RIMS2: variants seen among roughly 807,000 people sequenced by gnomAD.
RIMS2 encodes the protein regulating synaptic membrane exocytosis 2.
RIMS2 carries 59 observed loss-of-function variants against 174.4 expected under a neutral mutation model. The ratio of observed to expected loss-of-function variants is 0.34; its 90% CI spans 0.27 to 0.42. RIMS2 has a LOEUF of 0.42. RIMS2 is among the 10% of genes least tolerant of loss of function. The probability of loss-of-function intolerance (pLI) is 1.00; values close to 1 mark genes in which losing one functional copy is unlikely to be tolerated. For synonymous variants in RIMS2, 606 were observed against 572.5 expected (o/e 1.06, Z -0.84); for missense variants, 1,620 against 1,666.3 (o/e 0.97, Z 0.48).
intron 3 of RIMS2, among the ~76,000 whole-genome samples, chr8:103,796,252 T>A (rs555836243): frequency 9.8e-5 from 15 of 152,324 alleles, no homozygotes; most frequent in Non-Finnish European, 2.1e-4. Context: ...TTTCTCATTT[T>A]GGACTTAAAG....
intron 19 of RIMS2, chr8:104,223,241 GA>G: frequency 2.9e-6 from 1 of 350,802 alleles, no homozygotes; most frequent in Non-Finnish European, 4.1e-6. Flanking sequence ...CCAGCCCACC[GA>G]GGTGCAGCCG....
chr8:104,241,131 C>CAG, intron 19 of RIMS2, among the ~76,000 whole-genome samples: 1 of 152,146 alleles, frequency 6.6e-6, no homozygotes, highest in Non-Finnish European at 1.5e-5. Flanking sequence ...TCTAATAGGG[C>CAG]CTTCCATATG....
In RIMS2 at chr8:104,053,877, CTG is replaced by C. The variant is rs536603049; in HGVS notation, c.3334+39265_3334+39266del. On this transcript the variant is annotated intron_variant, in intron 19 of 23. Transcript: ENST00000504942. ...GAAGGCCAAACCAAGAATGGGGACA[CTG>C]TGCAGAGAATATTATGAGAGACCAA... 1.9e-4 allele frequency among the ~76,000 whole-genome samples: 29 copies of C among 152,118 alleles called. No individual in the cohort carries two copies. The South Asian group carries it at 6.0e-3, about 32-fold the overall frequency.
intron 2 of RIMS2, among the ~76,000 whole-genome samples, chr8:103,743,734 C>G (rs1323472151): frequency 6.6e-6 from 1 of 152,082 alleles, no homozygotes; most frequent in Non-Finnish European, 1.5e-5. Context: ...TAAGTATAAT[C>G]TTTGACACAG....
intron 1 of RIMS2, among the ~76,000 whole-genome samples, chr8:103,567,463 G>T (rs2092453843): frequency 6.6e-6 from 1 of 152,122 alleles, no homozygotes; most frequent in South Asian, 2.1e-4. Context: ...TTAGAATACT[G>T]TTTTCAAGGT....
At chr8:103,868,823 C>G (rs925857006) in intron 3 of RIMS2, among the ~76,000 whole-genome samples, 11 of 151,984 alleles carry the variant, frequency 7.2e-5, no homozygotes, top group Middle Eastern at 3.2e-3. Flanking sequence ...AAGTGACGAT[C>G]TATAAATAGC....
intron 2 of RIMS2, among the ~76,000 whole-genome samples, chr8:103,705,949 C>T (rs9656788): frequency 0.18 from 26,827 of 151,306 alleles, 2,576 homozygotes; most frequent in African/African-American, 0.24. Context: ...TTTTAAAATT[C>T]GTTTTCTAGT....
intron 1 of RIMS2, among the ~76,000 whole-genome samples, chr8:103,563,883 G>A (rs962646487): frequency 2.6e-5 from 4 of 152,176 alleles, no homozygotes; most frequent in Non-Finnish European, 5.9e-5. Context: ...AGCATGTACA[G>A]GGGAAACTCT....
At chr8:103,820,290 T>C (rs2098744002) in intron 3 of RIMS2, among the ~76,000 whole-genome samples, 1 of 152,050 alleles carries the variant, frequency 6.6e-6, no homozygotes, top group Non-Finnish European at 1.5e-5. Context: ...AGAATGTTTT[T>C]GGAATGCAGT....
At chr8:103,848,315 A>G (rs989435501) in intron 3 of RIMS2, among the ~76,000 whole-genome samples, 2 of 152,032 alleles carry the variant, frequency 1.3e-5, no homozygotes, top group Admixed American at 6.6e-5. Flanking sequence ...GACCCATTCA[A>G]TATCCAAGCT....
At chr8:104,178,278 G>C (rs2098917492) in intron 19 of RIMS2, among the ~76,000 whole-genome samples, 1 of 152,028 alleles carries the variant, frequency 6.6e-6, no homozygotes, top group African/African-American at 2.4e-5. Context: ...GTGGCTGTGG[G>C]ACTAAAGTCC....
At chr8:104,016,643 A>T (rs754534702) in intron 19 of RIMS2, among the ~76,000 whole-genome samples, 16 of 152,182 alleles carry the variant, frequency 1.1e-4, no homozygotes, top group South Asian at 6.2e-4. Context: ...TATTTATGGA[A>T]CTTTTTGTCT....
chr8:103,550,048 G>A (rs944037823), intron 1 of RIMS2, among the ~76,000 whole-genome samples: 17 of 152,040 alleles, frequency 1.1e-4, no homozygotes, highest in African/African-American at 4.1e-4. Context: ...ACAGATCAAC[G>A]AGAGAGAAAG....
intron 1 of RIMS2, among the ~76,000 whole-genome samples, chr8:103,575,689 T>TAC (rs1554643234): frequency 6.7e-6 from 1 of 148,914 alleles, no homozygotes; most frequent in African/African-American, 2.5e-5. Context: ...CACACACATA[T>TAC]ATATATATAT....
At chr8:103,773,303 C>A (rs866658094) in intron 3 of RIMS2, among the ~76,000 whole-genome samples, 5 of 152,128 alleles carry the variant, frequency 3.3e-5, no homozygotes, top group Non-Finnish European at 4.4e-5. Context: ...ATATATAAAG[C>A]ACTCTTAAAA....
intron 2 of RIMS2, among the ~76,000 whole-genome samples, chr8:103,710,758 A>G (rs948362495): frequency 1.3e-5 from 2 of 152,188 alleles, no homozygotes; most frequent in African/African-American, 4.8e-5. Flanking sequence ...GAATTTTTTC[A>G]CTTTATAAAT....
At chr8:104,168,446 G>T (rs1472605239) in intron 19 of RIMS2, among the ~76,000 whole-genome samples, 1 of 151,926 alleles carries the variant, frequency 6.6e-6, no homozygotes, top group Non-Finnish European at 1.5e-5. Flanking sequence ...GGATTGGGTT[G>T]TTCATTTGAT....
At chr8:104,047,582 A>AAAACACATGAAAACTGTGTCC (rs1389357466) in intron 19 of RIMS2, among the ~76,000 whole-genome samples, 4 of 152,186 alleles carry the variant, frequency 2.6e-5, no homozygotes, top group Middle Eastern at 3.2e-3. Flanking sequence ...TGTAGTGTAC[A>AAAACACATGAAAACTGTGTCC]AAACACATGA....
intron 19 of RIMS2, among the ~76,000 whole-genome samples, chr8:104,072,279 C>T (rs1002322758): frequency 1.3e-5 from 2 of 152,084 alleles, no homozygotes; most frequent in Non-Finnish European, 2.9e-5. Flanking sequence ...AAATTTTCAA[C>T]ATCATTTCTC....
Sources: allele counts gnomAD v4.1 joint callset (sites outside exome capture counted in the v4.1 genomes callset), GRCh38; gene constraint gnomAD v4.1.1; transcripts MANE v1.5; gene names NCBI Gene and HGNC (gene_info 2026-07-23, HGNC 2026-07-21).